The following ADAMTS9 variants were observed in gnomAD, a reference collection of about 807,000 sequenced individuals.
The protein encoded by ADAMTS9 is ADAM metallopeptidase with thrombospondin type 1 motif 9, also known as A disintegrin and metalloproteinase with thrombospondin motifs 9.
A neutral mutation model predicts 257.1 loss-of-function variants in ADAMTS9; 107 were observed. The observed-to-expected ratio is 0.42, with a 90% CI of 0.36 to 0.49. The LOEUF is 0.49. Ranked by LOEUF, ADAMTS9 falls within the 20% of genes least tolerant of loss-of-function variation. ADAMTS9 has a pLI of 0.03. For synonymous variants in ADAMTS9, 982 were observed against 880.9 expected (o/e 1.11, Z -2.03); for missense variants, 2,353 against 2,469.1 (o/e 0.95, Z 1.00).
intron 27 of ADAMTS9, among the ~76,000 whole-genome samples, chr3:64,596,058 G>A (rs2084359075): frequency 2.0e-5 from 3 of 152,106 alleles, no homozygotes; most frequent in Non-Finnish European, 2.9e-5. Flanking sequence ...CATTATAGTG[G>A]CAGTTAATTG....
chr3:64,658,123 G>T (rs1418317446), intron 4 of ADAMTS9, among the ~76,000 whole-genome samples: 2 of 152,080 alleles, frequency 1.3e-5, no homozygotes, highest in African/African-American at 2.4e-5. Context: ...CAAGCTAAAG[G>T]CCACAGGCAG....
At chr3:64,684,116 C>T (rs1237472107) in intron 2 of ADAMTS9, among the ~76,000 whole-genome samples, 1 of 152,064 alleles carries the variant, frequency 6.6e-6, no homozygotes, top group Non-Finnish European at 1.5e-5. Context: ...AACCCATGGC[C>T]TGAAATGCAG....
At chr3:64,611,468 G>A (rs1274932657) in intron 22 of ADAMTS9, among the ~76,000 whole-genome samples, 1 of 152,174 alleles carries the variant, frequency 6.6e-6, no homozygotes, top group Non-Finnish European at 1.5e-5. Flanking sequence ...GTGGTTGCCA[G>A]GGACTGAGGG....
chr3:64,518,725 ACT>A (rs1276210558), intron 39 of ADAMTS9, among the ~76,000 whole-genome samples: 2 of 143,356 alleles, frequency 1.4e-5, no homozygotes, highest in Non-Finnish European at 3.0e-5. Context: ...AGTGTAGGAC[ACT>A]CTGAGTTCTG....
chr3:64,614,085 A>G (rs1026045790), intron 21 of ADAMTS9, among the ~76,000 whole-genome samples: 6 of 152,198 alleles, frequency 3.9e-5, no homozygotes, highest in African/African-American at 9.7e-5. Flanking sequence ...TCGCTACCCA[A>G]GGATAACCAT....
chr3:64,675,986 G>T (rs1701616018), intron 3 of ADAMTS9, among the ~76,000 whole-genome samples: 1 of 152,168 alleles, frequency 6.6e-6, no homozygotes, highest in Admixed American at 6.6e-5. Flanking sequence ...ATCAGGAAGT[G>T]ATGGTACCTT....
rs1442283537 is a variant in ADAMTS9 at position 64,542,439 on chromosome 3, T to TTTTTC, written c.5065-470_5065-469insGAAAA. Among the ~76,000 whole-genome samples the TTTTTC allele has an allele frequency of 2.7e-5, 4 of 150,768 alleles. No homozygotes were observed. In the East Asian group the frequency reaches 5.9e-4, roughly 22 times the overall value. On this transcript the variant is annotated intron_variant, in intron 32 of 39. Coordinates refer to ENST00000498707, the MANE Select transcript of ADAMTS9 (RefSeq NM_182920.2). Reference sequence around the variant, plus strand: ...TTTCATTTCTTTCTTTCTTTTTTTTTTTTTTGAGACAGAGTTTTGCTCTTG... The same window carrying TTTTTC: ...TTTCATTTCTTTCTTTCTTTTTTTTTTTTTCTTTTTGAGACAGAGTTTTGCTCTTG...
At chr3:64,578,273 C>T (rs2083905735) in intron 28 of ADAMTS9, among the ~76,000 whole-genome samples, 1 of 150,578 alleles carries the variant, frequency 6.6e-6, no homozygotes, top group Non-Finnish European at 1.5e-5. Context: ...GTCTCCTCTT[C>T]CTGCCTTCCT....
chr3:64,638,941 C>T (rs1031762655), intron 12 of ADAMTS9, among the ~76,000 whole-genome samples: 4 of 152,098 alleles, frequency 2.6e-5, no homozygotes, highest in Non-Finnish European at 5.9e-5. Context: ...AAACAGAGCT[C>T]TCCATTATAT....
At chr3:64,520,125 T>C (rs1024946973) in intron 39 of ADAMTS9, among the ~76,000 whole-genome samples, 2 of 151,914 alleles carry the variant, frequency 1.3e-5, no homozygotes, top group Admixed American at 1.3e-4. Context: ...TGTACAAAAA[T>C]CAGAAGCATT....
chr3:64,674,125 T>G (rs1701565433), intron 3 of ADAMTS9, among the ~76,000 whole-genome samples: 1 of 152,078 alleles, frequency 6.6e-6, no homozygotes. Context: ...AGCAGAATTT[T>G]TATAAGTACC....
intron 11 of ADAMTS9, among the ~76,000 whole-genome samples, chr3:64,645,549 C>T (rs1364224588): frequency 6.6e-6 from 1 of 152,168 alleles, no homozygotes; most frequent in Admixed American, 6.5e-5. Context: ...ATACTGGCAA[C>T]TCTATGAAAA....
rs2083593736 is a variant in ADAMTS9 at position 64,568,399 on chromosome 3, C to A, written c.4493G>T (p.Cys1498Phe). Residue 1498 changes from cysteine (C) to phenylalanine (F), a missense_variant, in exon 29 of 40, where the codon TGC becomes TTC. Cys to Phe is a radical substitution (Grantham distance 205). Around this residue, in one of 3 missense-constraint regions of ADAMTS9, gnomAD observed 1,402 missense variants for 1,441.4 expected, o/e 0.97. Coordinates refer to ENST00000498707, the MANE Select transcript of ADAMTS9 (RefSeq NM_182920.2). ...HGHRKCRGGR[C>F]PKWKAGAWSQ... is the part of the protein sequence containing the mutation. ...CCAAGCGCCAGCTTTCCATTTGGGG[C>A]ATCTTCCTCCTCGGCACTTTCTGTG... is the stretch of plus-strand genomic sequence containing the variant. 1 of 1,611,376 alleles carries A rather than the reference C, an allele frequency of 6.2e-7. No homozygotes were observed. The highest frequency in any genetic ancestry group is 1.3e-5 in the African/African-American group (1 of 74,642).
At chr3:64,602,241 G>T (rs757533804) in intron 25 of ADAMTS9, 28 bp from the exon 26 acceptor site, 2 of 1,607,590 alleles carry the variant, frequency 1.2e-6, no homozygotes, top group Non-Finnish European at 1.7e-6. Flanking sequence ...AAAGAGAAAG[G>T]GTCAGTCATT....
At chr3:64,601,626 C>T (rs188630183) in intron 26 of ADAMTS9, among the ~76,000 whole-genome samples, 7 of 152,264 alleles carry the variant, frequency 4.6e-5, no homozygotes, top group African/African-American at 1.7e-4. Context: ...AATTCCCCTA[C>T]AGGTATGAGC....
chr3:64,670,054 T>A (rs1027392686), intron 3 of ADAMTS9, among the ~76,000 whole-genome samples: 1 of 152,158 alleles, frequency 6.6e-6, no homozygotes, highest in Non-Finnish European at 1.5e-5. Context: ...ATATATTCTA[T>A]CCCTCTTCAG....
chr3:64,616,194 A>C (rs573568466), intron 19 of ADAMTS9, 24 bp from the exon 20 acceptor site: 6 of 1,611,838 alleles, frequency 3.7e-6, no homozygotes, highest in Middle Eastern at 1.7e-4. Flanking sequence ...ATGGGGCAAA[A>C]CCAACATTTC....
chr3:64,555,223 C>T (rs987756407), intron 30 of ADAMTS9, among the ~76,000 whole-genome samples: 33 of 151,914 alleles, frequency 2.2e-4, no homozygotes, highest in African/African-American at 3.6e-4. Context: ...ATGGCAACAA[C>T]GAAAAAAGCA....
chr3:64,654,494 TA>T (rs1157372650), intron 7 of ADAMTS9, 36 bp from the exon 8 acceptor site: 1 of 1,609,636 alleles, frequency 6.2e-7, no homozygotes, highest in South Asian at 1.1e-5. Flanking sequence ...GGATTTACTC[TA>T]AAAAGCAACT....
Sources: gnomAD v4.1 joint callset for allele counts (sites outside exome capture counted in the v4.1 genomes callset) on GRCh38, gnomAD v4.1.1 for gene constraint, gnomAD v4.1.1 regional missense constraint, MANE v1.5 for transcripts, NCBI Gene and HGNC (gene_info 2026-07-23, HGNC 2026-07-21) for gene names.